The following KLHL1 variants were observed in gnomAD, a reference collection of about 807,000 sequenced individuals.
KLHL1 encodes the protein kelch-like protein 1.
A neutral mutation model predicts 77.7 loss-of-function variants in KLHL1; 47 were observed. That is an observed-to-expected ratio of 0.60 (90% confidence interval 0.48 to 0.77). KLHL1 has a LOEUF of 0.77. Ranked by LOEUF, KLHL1 falls within the 30% of genes least tolerant of loss-of-function variation. The pLI is 0.00. For synonymous variants in KLHL1, 360 were observed against 325.2 expected (o/e 1.11, Z -1.15); for missense variants, 925 against 910.8 (o/e 1.02, Z -0.20).
chr13:70,001,581 G>GTCTA (rs71116971), intron 1 of KLHL1, among the ~76,000 whole-genome samples: 47,071 of 146,390 alleles, frequency 0.32, 7,733 homozygotes, highest in Non-Finnish European at 0.34. Flanking sequence ...TGATCTATGT[G>GTCTA]TCTATCTATC....
chr13:70,082,505 T>C (rs1887422059), intron 1 of KLHL1, among the ~76,000 whole-genome samples: 1 of 152,074 alleles, frequency 6.6e-6, no homozygotes, highest in African/African-American at 2.4e-5. Flanking sequence ...TTTTTCATAA[T>C]TTTCATATTT....
At chr13:69,972,822 C>A (rs1884428967) in intron 2 of KLHL1, among the ~76,000 whole-genome samples, 1 of 151,840 alleles carries the variant, frequency 6.6e-6, no homozygotes, top group African/African-American at 2.4e-5. Context: ...ATGAACACCT[C>A]CTAATTTTCT....
intron 6 of KLHL1, among the ~76,000 whole-genome samples, chr13:69,816,062 C>T (rs1002541625): frequency 2.0e-5 from 3 of 151,654 alleles, no homozygotes; most frequent in Non-Finnish European, 4.4e-5. Context: ...AATGTGAATG[C>T]AATAGGTAAA....
At chr13:69,812,082 CAG>C (rs922357369) in intron 6 of KLHL1, among the ~76,000 whole-genome samples, 1 of 152,002 alleles carries the variant, frequency 6.6e-6, no homozygotes, top group African/African-American at 2.4e-5. Context: ...AAATGTGTCC[CAG>C]AGATTCTGGT....
intron 5 of KLHL1, among the ~76,000 whole-genome samples, chr13:69,847,685 C>T (rs1372435017): frequency 6.6e-6 from 1 of 151,460 alleles, no homozygotes; most frequent in Non-Finnish European, 1.5e-5. Context: ...ATTTCATGTA[C>T]TTCATCTTAT....
intron 5 of KLHL1, among the ~76,000 whole-genome samples, chr13:69,878,762 A>G (rs1038620053): frequency 1.3e-5 from 2 of 151,820 alleles, no homozygotes; most frequent in Non-Finnish European, 1.5e-5. Context: ...TGAATACCCA[A>G]AGGAATATAA....
chr13:69,868,763 C>T (rs17085568), intron 5 of KLHL1, among the ~76,000 whole-genome samples: 31,442 of 151,786 alleles, frequency 0.21, 5,121 homozygotes, highest in African/African-American at 0.46. Flanking sequence ...GAATAAAATG[C>T]TGTTTTAGAG....
chr13:69,861,296 A>T (rs771203975), intron 5 of KLHL1, among the ~76,000 whole-genome samples: 1 of 152,140 alleles, frequency 6.6e-6, no homozygotes, highest in African/African-American at 2.4e-5. Flanking sequence ...CCCTCTTTAA[A>T]TTCTCCACCT....
At chr13:69,850,174 T>A (rs1375729995) in intron 5 of KLHL1, among the ~76,000 whole-genome samples, 1 of 151,460 alleles carries the variant, frequency 6.6e-6, no homozygotes, top group East Asian at 1.9e-4. Flanking sequence ...CAATTCAAAC[T>A]CATATATTTA....
intron 5 of KLHL1, among the ~76,000 whole-genome samples, chr13:69,878,572 TTG>T (rs1297924458): frequency 6.6e-6 from 1 of 152,174 alleles, no homozygotes; most frequent in African/African-American, 2.4e-5. Flanking sequence ...AAATATAACA[TTG>T]TGTTTTGCTA....
chr13:70,073,965 A>G (rs1359381597), intron 1 of KLHL1, among the ~76,000 whole-genome samples: 3 of 151,778 alleles, frequency 2.0e-5, no homozygotes, highest in African/African-American at 7.3e-5. Context: ...AACTGGGATT[A>G]TGGGCATGAG....
At chr13:69,738,073 A>T (rs887377270) in intron 8 of KLHL1, among the ~76,000 whole-genome samples, 8 of 152,046 alleles carry the variant, frequency 5.3e-5, no homozygotes, top group Non-Finnish European at 1.0e-4. Flanking sequence ...GCCTCCAATG[A>T]TGGTATCTCC....
intron 1 of KLHL1, among the ~76,000 whole-genome samples, chr13:70,043,579 G>A (rs1886427999): frequency 6.6e-6 from 1 of 151,972 alleles, no homozygotes; most frequent in Non-Finnish European, 1.5e-5. Context: ...CTCTATACAG[G>A]TATACCATTT....
In KLHL1 at chr13:69,757,924, T is replaced by C. The variant is rs1874831562; in HGVS notation, c.1640-17368A>G. ...GTCAGCCAAGATTGTGCCACTGCACTGCAGCCTGAGTAACAAGAGCGAAAC... is the reference window on the plus strand; with the variant it reads ...GTCAGCCAAGATTGTGCCACTGCACCGCAGCCTGAGTAACAAGAGCGAAAC... On this transcript the variant is annotated intron_variant, in intron 7 of 10. Coordinates refer to ENST00000377844, the MANE Select transcript of KLHL1 (RefSeq NM_020866.3). Among the ~76,000 whole-genome samples the C allele has an allele frequency of 2.4e-5, 3 of 127,160 alleles. No individual in the cohort carries two copies. The Admixed American group carries it at 3.1e-4, about 13-fold the overall frequency. The allele number at this position is 127,160 out of a possible 152,430, so 83.4% of individuals were successfully genotyped here.
intron 4 of KLHL1, among the ~76,000 whole-genome samples, chr13:69,899,561 T>C (rs1273704146): frequency 6.6e-6 from 1 of 152,142 alleles, no homozygotes; most frequent in Non-Finnish European, 1.5e-5. Context: ...TCATAACAGT[T>C]ATACAAAGAA....
chr13:69,949,263 T>A (rs564398212), intron 3 of KLHL1, among the ~76,000 whole-genome samples: 113 of 151,908 alleles, frequency 7.4e-4, no homozygotes, highest in Middle Eastern at 6.8e-3. Context: ...GAATAGTACA[T>A]CTCATTTACT....
intron 3 of KLHL1, among the ~76,000 whole-genome samples, chr13:69,956,443 G>A (rs537673417): frequency 4.5e-4 from 68 of 151,336 alleles, no homozygotes; most frequent in Admixed American, 2.3e-3. Context: ...AAGGGAACCA[G>A]CATTAGATGG....
intron 6 of KLHL1, among the ~76,000 whole-genome samples, chr13:69,824,942 T>C (rs1452207747): frequency 1.3e-5 from 2 of 152,126 alleles, no homozygotes; most frequent in Non-Finnish European, 2.9e-5. Flanking sequence ...AATCTAATGA[T>C]AATATGTATC....
intron 4 of KLHL1, among the ~76,000 whole-genome samples, chr13:69,897,344 C>T (rs1156644229): frequency 6.6e-6 from 1 of 152,004 alleles, no homozygotes; most frequent in African/African-American, 2.4e-5. Context: ...TTTTGGACAC[C>T]CCAAGCACTG....
Sources: gnomAD v4.1 joint callset for allele counts (sites outside exome capture counted in the v4.1 genomes callset) on GRCh38, gnomAD v4.1.1 for gene constraint, MANE v1.5 for transcripts, NCBI Gene and HGNC (gene_info 2026-07-23, HGNC 2026-07-21) for gene names.